The following KAT6B variants were observed in gnomAD, a reference collection of about 807,000 sequenced individuals.
KAT6B encodes the protein histone acetyltransferase KAT6B.
KAT6B carries 10 observed loss-of-function variants against 187.5 expected under a neutral mutation model. The observed-to-expected ratio is 0.05, with a 90% CI of 0.03 to 0.09. The LOEUF is 0.09. Among genes scored for constraint, KAT6B ranks in the 10% least tolerant of loss-of-function variants. KAT6B has a pLI of 1.00. For missense variants in KAT6B, 1,952 were observed against 2,558.9 expected (o/e 0.76, Z 5.12); for synonymous variants, 861 against 926.8 (o/e 0.93, Z 1.29).
chr10:74,930,310 C>T (rs536254472), intron 3 of KAT6B, among the ~76,000 whole-genome samples: 21 of 152,194 alleles, frequency 1.4e-4, no homozygotes, highest in African/African-American at 5.1e-4. Context: ...TTATTTTGGT[C>T]TAGAGAAAAT....
At chr10:74,867,296 G>GT (rs1292151683) in intron 3 of KAT6B, among the ~76,000 whole-genome samples, 1 of 152,044 alleles carries the variant, frequency 6.6e-6, no homozygotes, top group Non-Finnish European at 1.5e-5. Flanking sequence ...CTTGTAGTGG[G>GT]TTTTTGCTAT....
At chr10:74,857,490 G>A (rs1417248535) in intron 3 of KAT6B, among the ~76,000 whole-genome samples, 1 of 152,132 alleles carries the variant, frequency 6.6e-6, no homozygotes, top group Non-Finnish European at 1.5e-5. Flanking sequence ...ATTAGATTGA[G>A]CCCATTTGGA....
In KAT6B at chr10:75,030,416, T is replaced by C. The variant is rs1057524074; in HGVS notation, c.5592T>C (p.Ser1864=). ...SNTGLVQLSQ[S]PHSVPGGPQA... ...CAGGGCTTGTTCAACTTTCTCAGTC[T>C]CCACACTCCGTCCCTGGGGGACCCC... The change falls in exon 18 of 18, where the codon TCT becomes TCC. Residue 1864 remains serine (S), a synonymous_variant. Transcript: ENST00000287239. The surrounding 1 kb of genome is among the most constrained non-coding windows in gnomAD (Gnocchi z 4.8). 6.2e-7 allele frequency: 1 copy of C among 1,614,088 alleles called. No homozygotes were observed. The highest frequency in any genetic ancestry group is 1.3e-5 in the African/African-American group (1 of 74,922).
At chr10:74,848,366 G>A (rs575329659) in intron 3 of KAT6B, among the ~76,000 whole-genome samples, 3 of 152,208 alleles carry the variant, frequency 2.0e-5, no homozygotes, top group East Asian at 1.9e-4. Flanking sequence ...GGCTTGCGGC[G>A]TGGTGGCACA....
chr10:74,833,159 A>G (rs1052552495), intron 1 of KAT6B, among the ~76,000 whole-genome samples: 5 of 150,870 alleles, frequency 3.3e-5, no homozygotes, highest in Admixed American at 6.6e-5. Flanking sequence ...AAAAAAAAAA[A>G]TCACATTTTT....
At chr10:75,011,923 C>G (rs1247999304) in intron 13 of KAT6B, among the ~76,000 whole-genome samples, 1 of 152,188 alleles carries the variant, frequency 6.6e-6, no homozygotes, top group African/African-American at 2.4e-5. Context: ...ACTGCTACCA[C>G]TATAGCCCTG....
intron 3 of KAT6B, among the ~76,000 whole-genome samples, chr10:74,943,748 G>A (rs1321240990): frequency 1.3e-5 from 2 of 152,142 alleles, no homozygotes; most frequent in Non-Finnish European, 2.9e-5. Flanking sequence ...AAATTTCTTA[G>A]ATTGAACACA....
chr10:74,960,561 A>C (rs918521860), intron 4 of KAT6B, among the ~76,000 whole-genome samples: 1 of 151,950 alleles, frequency 6.6e-6, no homozygotes, highest in Admixed American at 6.6e-5. Context: ...CTCTAAAAAA[A>C]AAAAACAAAA....
At chr10:74,949,084 C>G (rs1380658728) in intron 3 of KAT6B, among the ~76,000 whole-genome samples, 1 of 152,188 alleles carries the variant, frequency 6.6e-6, no homozygotes, top group Non-Finnish European at 1.5e-5. Context: ...GTTTGTGACA[C>G]TTGAATGTAA....
chr10:74,997,742 G>A (rs971874217), intron 13 of KAT6B, among the ~76,000 whole-genome samples: 2 of 151,954 alleles, frequency 1.3e-5, no homozygotes, highest in Non-Finnish European at 2.9e-5. Flanking sequence ...AGTGTATATT[G>A]GTAGGCATTT....
chr10:75,030,945 C>T lies in KAT6B; in HGVS notation c.6121C>T (p.Pro2041Ser). The T allele has an allele frequency of 6.2e-7, 1 of 1,614,178 alleles. No individual in the cohort carries two copies. Among genetic ancestry groups the T allele is most frequent in the Non-Finnish European group, 8.5e-7 (1 of 1,180,038 alleles). ...ATATGCCCAGCAGCCAATGCAGACC[C>T]CACCCCACGGTAACATGATGTACAC... ...QPYAQQPMQTPPHGNMMYTAP... is the reference protein window; with the variant it reads ...QPYAQQPMQTSPHGNMMYTAP... Residue 2041 changes from proline to serine, a missense_variant, in exon 18 of 18, where the codon CCA becomes TCA. Transcript: ENST00000287239. This position sits in a 1 kb window ranked among gnomAD's most constrained non-coding sequence, Gnocchi z 4.8.
intron 4 of KAT6B, among the ~76,000 whole-genome samples, chr10:74,963,384 G>A (rs1311850353): frequency 6.6e-6 from 1 of 152,198 alleles, no homozygotes; most frequent in Non-Finnish European, 1.5e-5. Flanking sequence ...GTGTGCATGT[G>A]TGTTTTCAAA....
chr10:75,018,037 G>A (rs1438688492), intron 13 of KAT6B, among the ~76,000 whole-genome samples: 1 of 152,204 alleles, frequency 6.6e-6, no homozygotes, highest in African/African-American at 2.4e-5. Flanking sequence ...AAGCCATGCA[G>A]GGGTCCCTTC....
intron 3 of KAT6B, among the ~76,000 whole-genome samples, chr10:74,956,069 A>C (rs1840672222): frequency 6.6e-6 from 1 of 152,136 alleles, no homozygotes; most frequent in African/African-American, 2.4e-5. Flanking sequence ...GACCACAGGC[A>C]TGCGCCACCA....
chr10:74,948,966 T>C (rs561628039), intron 3 of KAT6B, among the ~76,000 whole-genome samples: 2 of 152,334 alleles, frequency 1.3e-5, no homozygotes, highest in South Asian at 2.1e-4. Context: ...AAATAAATTA[T>C]AGTCTTGAAG....
At position 75,031,005 on chromosome 10, in the gene KAT6B, A is replaced by G; in HGVS notation, c.6181A>G (p.Met2061Val). ...PGHHGYMNTG[M>V]SKQSLNGSYM... Reference sequence around the variant, plus strand: ...ACATCACGGCTACATGAACACAGGCATGTCCAAACAGTCTCTCAATGGCTC... The same window carrying G: ...ACATCACGGCTACATGAACACAGGCGTGTCCAAACAGTCTCTCAATGGCTC... The change falls in exon 18 of 18, where the codon ATG becomes GTG. Residue 2061 changes from methionine (M) to valine (V), a missense_variant. Physicochemically the swap from Met to Val is conservative, Grantham distance 21. This residue lies in a region of KAT6B where 358 missense variants were observed against 436.3 expected (regional missense o/e 0.82). Coordinates refer to ENST00000287239, the MANE Select transcript of KAT6B (RefSeq NM_012330.4). The G allele has an allele frequency of 1.2e-6, 2 of 1,614,226 alleles. No homozygotes were observed. The highest frequency in any genetic ancestry group is 1.7e-6 in the Non-Finnish European group (2 of 1,180,032).
At chr10:74,989,747 TGTTTTTAAAAATG>T (rs1329322118) in intron 13 of KAT6B, among the ~76,000 whole-genome samples, 3 of 152,172 alleles carry the variant, frequency 2.0e-5, no homozygotes, top group African/African-American at 7.2e-5. Context: ...ACATGGATAA[TGTTTTTAAAAATG>T]GTAGTTTTTT....
chr10:74,865,447 A>G (rs1377160997), intron 3 of KAT6B, among the ~76,000 whole-genome samples: 1 of 151,778 alleles, frequency 6.6e-6, no homozygotes, highest in East Asian at 1.9e-4. Context: ...AAAAGCTCAG[A>G]GTTTCCCAAA....
intron 3 of KAT6B, among the ~76,000 whole-genome samples, chr10:74,873,660 T>A (rs1844184290): frequency 6.6e-6 from 1 of 151,958 alleles, no homozygotes; most frequent in South Asian, 2.1e-4. Flanking sequence ...AAGAACATAT[T>A]TAACAGAACT....
Sources: allele counts gnomAD v4.1 joint callset (sites outside exome capture counted in the v4.1 genomes callset), GRCh38; gene constraint gnomAD v4.1.1; regional missense constraint gnomAD v4.1.1; non-coding constraint Gnocchi (gnomAD v3.1); transcripts MANE v1.5; gene names NCBI Gene and HGNC (gene_info 2026-07-23, HGNC 2026-07-21).